NUP133: variants seen among roughly 807,000 people sequenced by gnomAD.
The protein encoded by NUP133 is nuclear pore complex protein Nup133.
A neutral mutation model predicts 146.2 loss-of-function variants in NUP133; 66 were observed. The ratio of observed to expected loss-of-function variants is 0.45; its 90% CI spans 0.37 to 0.55. NUP133 has a LOEUF of 0.55. Among genes scored for constraint, NUP133 ranks in the 20% least tolerant of loss-of-function variants. The pLI is 0.00. For missense variants in NUP133, 1,277 were observed against 1,374.8 expected (o/e 0.93, Z 1.12); for synonymous variants, 521 against 498.8 (o/e 1.04, Z -0.59).
intron 22 of NUP133, among the ~76,000 whole-genome samples, chr1:229,451,580 A>T (rs758522307): frequency 2.0e-5 from 3 of 152,198 alleles, no homozygotes; most frequent in African/African-American, 7.2e-5. Flanking sequence ...TACTTGCCTT[A>T]TTAAAAATAT....
chr1:229,445,014 A>G lies in NUP133; in HGVS notation c.3246-12T>C, dbSNP rs759632062. 17 of 1,574,104 alleles carry G rather than the reference A, an allele frequency of 1.1e-5. No individual in the cohort carries two copies. The highest frequency in any genetic ancestry group is 2.6e-6 in the Non-Finnish European group (3 of 1,147,072). On this transcript the variant is annotated splice_polypyrimidine_tract_variant and intron_variant, in intron 24 of 25. Coordinates refer to ENST00000261396, the MANE Select transcript of NUP133 (RefSeq NM_018230.3). ...CAGAACTGGACCAGCTAGAAAACAA[A>G]ATCATTATGAGGGAAAAATGAAATC...
At chr1:229,496,101 G>A in intron 6 of NUP133, 54 bp from the exon 7 acceptor site, 1 of 1,355,984 alleles carries the variant, frequency 7.4e-7, no homozygotes, top group African/African-American at 1.5e-5. Flanking sequence ...TAATGCTAAG[G>A]AACTATTGTT....
intron 16 of NUP133, among the ~76,000 whole-genome samples, chr1:229,465,951 G>A (rs562025681): frequency 1.5e-4 from 22 of 151,152 alleles, no homozygotes; most frequent in African/African-American, 5.3e-4. Flanking sequence ...GCACAGATCT[G>A]CATGATTACT....
At chr1:229,503,233 G>C (rs1312300797) in intron 2 of NUP133, among the ~76,000 whole-genome samples, 1 of 152,040 alleles carries the variant, frequency 6.6e-6, no homozygotes, top group East Asian at 1.9e-4. Flanking sequence ...AGCTGAGATC[G>C]CGCCACTGCA....
At chr1:229,482,787 T>C (rs1048890493) in intron 12 of NUP133, among the ~76,000 whole-genome samples, 1 of 151,790 alleles carries the variant, frequency 6.6e-6, no homozygotes, top group Non-Finnish European at 1.5e-5. Flanking sequence ...ACTTAAAGAG[T>C]GTGCACTGAC....
chr1:229,481,869 C>T (rs1399444573), intron 12 of NUP133, among the ~76,000 whole-genome samples: 2 of 152,170 alleles, frequency 1.3e-5, no homozygotes, highest in Non-Finnish European at 2.9e-5. Context: ...GCTCATGCCT[C>T]GCTCTCAGAC....
intron 2 of NUP133, among the ~76,000 whole-genome samples, chr1:229,504,845 C>G (rs1661894413): frequency 6.6e-6 from 1 of 152,126 alleles, no homozygotes; most frequent in South Asian, 2.1e-4. Flanking sequence ...GCATGCTGTT[C>G]TGGGTAAAGT....
At chr1:229,494,662 C>G (rs890866697) in intron 8 of NUP133, among the ~76,000 whole-genome samples, 1 of 152,184 alleles carries the variant, frequency 6.6e-6, no homozygotes, top group African/African-American at 2.4e-5. Flanking sequence ...ATGCACCACT[C>G]AGAGAGAGCA....
chr1:229,502,558 C>CAAAAAA (rs58520087), intron 2 of NUP133, among the ~76,000 whole-genome samples: 62 of 42,772 alleles, frequency 1.4e-3, no homozygotes, highest in Non-Finnish European at 1.7e-3. Context: ...GACTCCATCT[C>CAAAAAA]AAAAAAAAAA....
Position 229,495,534 on chromosome 1 carries a change from T to C in NUP133, c.1007A>G (p.Glu336Gly). The stretch of plus-strand genomic sequence containing the variant: ...GTCCAAATATCGAATGTTGACTCCT[T>C]CTTTAATAGCTTCATAGTTACTTTC... ...GSESNYEAIK[E>G]GVNIRYLDLK... Residue 336 changes from glutamate to glycine, a missense_variant, in exon 8 of 26, where the codon GAA (glutamate) becomes GGA (glycine). Around this residue, in one of 3 missense-constraint regions of NUP133, gnomAD observed 952 missense variants for 1,047.0 expected, o/e 0.91. Transcript: ENST00000261396. 6.2e-7 allele frequency: 1 copy of C among 1,611,716 alleles called. No individual in the cohort carries two copies. The highest frequency in any genetic ancestry group is 8.5e-7 in the Non-Finnish European group (1 of 1,178,254).
rs138094595 is a variant in NUP133 at position 229,496,019 on chromosome 1, C to T, written c.848G>A (p.Arg283Lys). 6.3e-6 allele frequency: 10 copies of T among 1,599,542 alleles called. No homozygotes were observed. The highest frequency in any genetic ancestry group is 8.5e-6 in the Non-Finnish European group (10 of 1,175,782). The change falls in exon 7 of 26, where the codon AGA becomes AAA. Residue 283 changes from arginine to lysine, a missense_variant. Arg to Lys is a conservative substitution (Grantham distance 26). Coordinates refer to ENST00000261396, the MANE Select transcript of NUP133 (RefSeq NM_018230.3). ...TLSSVLWDRE[R>K]SSFYSLTSSN... ...ACTCGTCAGGCTATAAAAGCTTGAT[C>T]TCTCTCTATCCCAGAGAACACTTGA...
chr1:229,501,625 T>G (rs1216065426), intron 3 of NUP133, among the ~76,000 whole-genome samples: 1 of 152,238 alleles, frequency 6.6e-6, no homozygotes, highest in Non-Finnish European at 1.5e-5. Flanking sequence ...TAAGCATCAT[T>G]CAGTAGGTTC....
At chr1:229,457,759 A>G (rs1273522633) in intron 21 of NUP133, among the ~76,000 whole-genome samples, 1 of 152,206 alleles carries the variant, frequency 6.6e-6, no homozygotes, top group Admixed American at 6.5e-5. Context: ...CAACTGTACT[A>G]TATGTAATCG....
chr1:229,458,228 A>G lies in NUP133; in HGVS notation c.2913T>C (p.Leu971=), dbSNP rs747545999. The stretch of plus-strand genomic sequence containing the variant: ...CTAATGCAGCCAATTTACTCAAGCC[A>G]AGAAGGGTTTTCTTCTTTGCAAAGT... ...TRYFAKKKTL[L]GLSKLAALAS... The change falls in exon 21 of 26, where the codon CTT becomes CTC. Residue 971 remains leucine (L), a synonymous_variant. Coordinates refer to ENST00000261396, the MANE Select transcript of NUP133 (RefSeq NM_018230.3). 1 of 1,613,778 alleles carries G rather than the reference A, an allele frequency of 6.2e-7. No homozygotes were observed. The highest frequency in any genetic ancestry group is 1.1e-5 in the South Asian group (1 of 91,064).
At chr1:229,503,062 T>C (rs1661844714) in intron 2 of NUP133, among the ~76,000 whole-genome samples, 2 of 151,752 alleles carry the variant, frequency 1.3e-5, no homozygotes, top group African/African-American at 4.8e-5. Context: ...GGTCAGGAGT[T>C]CGAGACCAGC....
intron 6 of NUP133, 113 bp downstream of exon 6, chr1:229,498,023 T>TTA (rs1177940147): frequency 3.0e-6 from 2 of 658,886 alleles, no homozygotes; most frequent in Non-Finnish European, 4.6e-6. Context: ...ACCAAAGGTT[T>TTA]TATTTCGCAT....
intron 14 of NUP133, among the ~76,000 whole-genome samples, chr1:229,471,546 T>A (rs1194030750): frequency 6.6e-6 from 1 of 151,960 alleles, no homozygotes; most frequent in African/African-American, 2.4e-5. Context: ...AGGGTGGGGG[T>A]GTCTCTAACC....
intron 14 of NUP133, among the ~76,000 whole-genome samples, chr1:229,471,746 T>C (rs1660961078): frequency 6.6e-6 from 1 of 152,228 alleles, no homozygotes; most frequent in East Asian, 1.9e-4. Context: ...ATAAGTGACC[T>C]GATTTTCTTA....
intron 1 of NUP133, 89 bp from the exon 2 acceptor site, chr1:229,506,247 T>C (rs1378251010): frequency 7.6e-6 from 5 of 660,854 alleles, no homozygotes; most frequent in East Asian, 2.7e-5. Context: ...CAGTAAGGAG[T>C]TCTTTGAAAA....
Sources: allele counts gnomAD v4.1 joint callset (sites outside exome capture counted in the v4.1 genomes callset), GRCh38; gene constraint gnomAD v4.1.1; regional missense constraint gnomAD v4.1.1; transcripts MANE v1.5; gene names NCBI Gene and HGNC (gene_info 2026-07-23, HGNC 2026-07-21).